The following NRG3 variants were observed in gnomAD, a reference collection of about 807,000 sequenced individuals.
NRG3 encodes the protein pro-neuregulin-3, membrane-bound isoform.
A neutral mutation model predicts 66.9 loss-of-function variants in NRG3; 31 were observed. The observed-to-expected ratio is 0.46, with a 90% CI of 0.35 to 0.63. NRG3 has a LOEUF of 0.63. NRG3 is among the 20% of genes least tolerant of loss of function. The pLI, the probability that NRG3 is intolerant of heterozygous loss-of-function variation, is 0.00. For missense variants in NRG3, 910 were observed against 878.9 expected (o/e 1.04, Z -0.45); for synonymous variants, 393 against 359.4 (o/e 1.09, Z -1.06).
chr10:82,730,777 C>G (rs983207983), intron 2 of NRG3, among the ~76,000 whole-genome samples: 1 of 152,160 alleles, frequency 6.6e-6, no homozygotes, highest in African/African-American at 2.4e-5. Flanking sequence ...CATAGTCAAA[C>G]TTAGATCTCA....
At chr10:82,856,215 G>A (rs1441814394) in intron 3 of NRG3, among the ~76,000 whole-genome samples, 1 of 152,110 alleles carries the variant, frequency 6.6e-6, no homozygotes, top group Non-Finnish European at 1.5e-5. Context: ...TTTTACTCAT[G>A]CAATAAATAC....
intron 2 of NRG3, among the ~76,000 whole-genome samples, chr10:82,488,523 A>G (rs879656518): frequency 1.3e-5 from 2 of 152,238 alleles, no homozygotes; most frequent in Non-Finnish European, 2.9e-5. Flanking sequence ...TTTAATTGCA[A>G]AGTATGCTAA....
At chr10:82,552,961 A>G (rs1414625837) in intron 2 of NRG3, among the ~76,000 whole-genome samples, 1 of 151,998 alleles carries the variant, frequency 6.6e-6, no homozygotes, top group Non-Finnish European at 1.5e-5. Flanking sequence ...GTACCTCCAC[A>G]TGATGTCACA....
intron 1 of NRG3, among the ~76,000 whole-genome samples, chr10:82,291,390 T>A (rs1293129142): frequency 6.6e-6 from 1 of 152,160 alleles, no homozygotes; most frequent in Non-Finnish European, 1.5e-5. Flanking sequence ...GTACTGGAAG[T>A]CTCACATAGT....
intron 2 of NRG3, among the ~76,000 whole-genome samples, chr10:82,664,268 C>T (rs1360555725): frequency 2.0e-5 from 3 of 152,066 alleles, no homozygotes; most frequent in Admixed American, 6.6e-5. Flanking sequence ...CTCTGCACCA[C>T]CTCCTCTCCT....
intron 6 of NRG3, among the ~76,000 whole-genome samples, chr10:82,973,553 G>A (rs1851967610): frequency 6.6e-6 from 1 of 152,186 alleles, no homozygotes; most frequent in African/African-American, 2.4e-5. Flanking sequence ...TTGGGATGCT[G>A]ACATGAAGAA....
intron 2 of NRG3, among the ~76,000 whole-genome samples, chr10:82,476,485 A>G (rs1841795409): frequency 6.6e-6 from 1 of 152,222 alleles, no homozygotes. Flanking sequence ...TACATGAACA[A>G]AATATGGTAT....
chr10:82,346,113 T>C (rs1194338107), intron 1 of NRG3, among the ~76,000 whole-genome samples: 6 of 145,360 alleles, frequency 4.1e-5, no homozygotes, highest in African/African-American at 1.3e-4. Flanking sequence ...TGAATAGGAG[T>C]GGTGAGAGAG....
intron 2 of NRG3, among the ~76,000 whole-genome samples, chr10:82,555,271 G>T (rs1262464095): frequency 6.6e-6 from 1 of 152,042 alleles, no homozygotes; most frequent in Non-Finnish European, 1.5e-5. Context: ...GTTCCAGGGT[G>T]GCAAATTCTC....
At chr10:82,752,881 A>T (rs952638112) in intron 3 of NRG3, among the ~76,000 whole-genome samples, 1 of 152,198 alleles carries the variant, frequency 6.6e-6, no homozygotes, top group Non-Finnish European at 1.5e-5. Context: ...TCTGTTATTT[A>T]TAAACGACCC....
At chr10:81,997,682 AG>A (rs2060993675) in intron 1 of NRG3, among the ~76,000 whole-genome samples, 1 of 152,116 alleles carries the variant, frequency 6.6e-6, no homozygotes, top group Admixed American at 6.5e-5. Context: ...ATGATGTCTG[AG>A]TCATGTGTAG....
chr10:82,951,510 T>C lies in NRG3; in HGVS notation c.1096T>C (p.Cys366Arg). 1 of 1,614,034 alleles carries C rather than the reference T, an allele frequency of 6.2e-7. No homozygotes were observed. Among genetic ancestry groups the C allele is most frequent in the Non-Finnish European group, 8.5e-7 (1 of 1,179,892 alleles). The change falls in exon 5 of 9, where the codon TGT (cysteine) becomes CGT (arginine). Residue 366 changes from cysteine to arginine, a missense_variant. Physicochemically the swap from Cys to Arg is radical, Grantham distance 180. Coordinates refer to ENST00000372141, the MANE Select transcript of NRG3 (RefSeq NM_001010848.4). ...TCAAAGGCAGGTGCTGTCAATTTCA[T>C]GTATCATCTTTGGAATTGTCATCGT... ...VYQRQVLSIS[C>R]IIFGIVIVGM...
rs1430150912 is a variant in NRG3, at chr10:82,943,067, G to A, written c.1055-8402G>A. 4.6e-5 allele frequency among the ~76,000 whole-genome samples: 7 copies of A among 152,288 alleles called. No homozygotes were observed. The East Asian group carries it at 1.4e-3, about 29-fold the overall frequency. On this transcript the variant is annotated intron_variant, in intron 4 of 8. Coordinates refer to ENST00000372141, the MANE Select transcript of NRG3 (RefSeq NM_001010848.4). ...CAAGTCACTGACTGCCTGTGGCTAA[G>A]GCTAGTTTTGCATATGGGAGTAGAA...
intron 3 of NRG3, among the ~76,000 whole-genome samples, chr10:82,813,599 T>C (rs2061585514): frequency 6.6e-6 from 1 of 152,218 alleles, no homozygotes; most frequent in Non-Finnish European, 1.5e-5. Context: ...CATGGTAATC[T>C]TGAGAACAAA....
chr10:82,575,708 A>C (rs545733369), intron 2 of NRG3, among the ~76,000 whole-genome samples: 1 of 151,922 alleles, frequency 6.6e-6, no homozygotes, highest in East Asian at 1.9e-4. Context: ...GGGGCCAAAA[A>C]TCAAAGGGAC....
At chr10:82,344,005 A>T (rs1158301687) in intron 1 of NRG3, among the ~76,000 whole-genome samples, 1 of 152,144 alleles carries the variant, frequency 6.6e-6, no homozygotes, top group East Asian at 1.9e-4. Context: ...ATGTGGGAGA[A>T]CATTCTTTAA....
At chr10:82,702,126 G>A (rs1449635735) in intron 2 of NRG3, among the ~76,000 whole-genome samples, 5 of 152,132 alleles carry the variant, frequency 3.3e-5, no homozygotes, top group Non-Finnish European at 7.3e-5. Flanking sequence ...TGAAGAGTGG[G>A]TCACAACACG....
At chr10:82,778,846 C>T (rs2060009679) in intron 3 of NRG3, among the ~76,000 whole-genome samples, 1 of 152,092 alleles carries the variant, frequency 6.6e-6, no homozygotes. Context: ...GGAGTAGCTG[C>T]TCTCCTGAGC....
intron 1 of NRG3, among the ~76,000 whole-genome samples, chr10:82,281,405 T>G (rs1016231617): frequency 5.9e-5 from 9 of 152,126 alleles, no homozygotes; most frequent in Non-Finnish European, 1.2e-4. Context: ...GAGGTATTAC[T>G]CTTCAGCAAA....
Sources: gnomAD v4.1 joint callset for allele counts (sites outside exome capture counted in the v4.1 genomes callset) on GRCh38, gnomAD v4.1.1 for gene constraint, MANE v1.5 for transcripts, NCBI Gene and HGNC (gene_info 2026-07-23, HGNC 2026-07-21) for gene names.